Variants in NTM observed in about 807,000 individuals in gnomAD.
NTM encodes the protein IgLON family member 2.
Under a neutral mutation model 42.1 loss-of-function variants are expected in NTM, and 13 were observed. That is an observed-to-expected ratio of 0.31 (90% CI 0.20 to 0.49). The LOEUF (loss-of-function observed/expected upper bound fraction) is 0.49, where lower values mean the gene tolerates loss of function less well. NTM is among the 20% of genes least tolerant of loss of function. The pLI is 0.99. For missense variants in NTM, 373 were observed against 452.8 expected (o/e 0.82, Z 1.60); for synonymous variants, 187 against 179.2 (o/e 1.04, Z -0.35).
intron 4 of NTM, among the ~76,000 whole-genome samples, chr11:132,252,178 TC>T (rs2092017307): frequency 8.8e-6 from 1 of 114,252 alleles, no homozygotes; most frequent in Non-Finnish European, 1.9e-5. Context: ...CTTTTCCTCA[TC>T]TTTATCTTAG....
chr11:131,992,361 A>C lies in NTM; in HGVS notation c.167+80713A>C, dbSNP rs927093054. ...ATGTTACTGGTAAGGCTTCTGGTCA[A>C]CAATTGGCTGTAATAATTTAGTTTT... On this transcript the variant is annotated intron_variant, in intron 2 of 8. Coordinates refer to ENST00000683400, the MANE Select transcript of NTM (RefSeq NM_001352005.2). 9.9e-5 allele frequency among the ~76,000 whole-genome samples: 15 copies of C among 152,258 alleles called. No homozygotes were observed. The East Asian group carries it at 2.9e-3, about 29-fold the overall frequency.
intron 1 of NTM, among the ~76,000 whole-genome samples, chr11:131,622,856 A>G (rs1052219750): frequency 5.3e-5 from 8 of 152,178 alleles, no homozygotes; most frequent in African/African-American, 1.9e-4. Flanking sequence ...CTTGGGTGGC[A>G]TTCATCTGCC....
intron 1 of NTM, among the ~76,000 whole-genome samples, chr11:131,478,949 C>T (rs1046371951): frequency 3.3e-5 from 5 of 152,206 alleles, no homozygotes; most frequent in Admixed American, 6.5e-5. Context: ...GTGGGTTCCA[C>T]GCAGCTCCAG....
chr11:131,681,509 GTTTC>G (rs2072864009), intron 1 of NTM, among the ~76,000 whole-genome samples: 1 of 13,404 alleles, frequency 7.5e-5, no homozygotes, highest in African/African-American at 2.4e-4. Context: ...GTGAGCATGT[GTTTC>G]TGTGTCTGTG....
At position 131,387,885 on chromosome 11, in the gene NTM, C is replaced by T. The variant is rs543758063; in HGVS notation, c.82+16997C>T. 3.3e-5 allele frequency among the ~76,000 whole-genome samples: 5 copies of T among 152,238 alleles called. No individual in the cohort carries two copies. In the East Asian group the frequency reaches 5.8e-4, roughly 18 times the overall value. On this transcript the variant is annotated intron_variant, in intron 1 of 8. Transcript: ENST00000683400. ...TTATAATTAGCCTTCCTGGGGACCC[C>T]GGTTTCTAATCTGCCCTGGGAAAAG...
intron 2 of NTM, among the ~76,000 whole-genome samples, chr11:132,045,567 TA>T (rs1200466642): frequency 6.6e-6 from 1 of 152,172 alleles, no homozygotes; most frequent in Non-Finnish European, 1.5e-5. Flanking sequence ...AATGGCAATT[TA>T]ATATTCTAGT....
At chr11:132,097,832 G>A (rs1255674438) in intron 2 of NTM, among the ~76,000 whole-genome samples, 1 of 152,214 alleles carries the variant, frequency 6.6e-6, no homozygotes, top group African/African-American at 2.4e-5. Flanking sequence ...AGGGAAAAGG[G>A]TTCCGGCATT....
At chr11:131,686,565 CGGAGGCAGAAGAGGA>C (rs1555084361) in intron 1 of NTM, among the ~76,000 whole-genome samples, 1 of 152,032 alleles carries the variant, frequency 6.6e-6, no homozygotes, top group Non-Finnish European at 1.5e-5. Flanking sequence ...TCAAGGGTGG[CGGAGGCAGAAGAGGA>C]GGAGGCAGGA....
chr11:131,768,795 G>A (rs1004590430), intron 1 of NTM, among the ~76,000 whole-genome samples: 1 of 152,212 alleles, frequency 6.6e-6, no homozygotes, highest in Non-Finnish European at 1.5e-5. Context: ...TATAGCAAAA[G>A]TGGAAGCATT....
At chr11:131,823,527 C>A (rs1366903839) in intron 1 of NTM, among the ~76,000 whole-genome samples, 1 of 152,100 alleles carries the variant, frequency 6.6e-6, no homozygotes, top group Non-Finnish European at 1.5e-5. Flanking sequence ...TTAATAAGTT[C>A]TATATCTGGC....
rs554142380 is a variant in NTM, at chr11:132,119,839, G to A, written c.168-26443G>A. On this transcript the variant is annotated intron_variant, in intron 2 of 8. Coordinates refer to ENST00000683400, the MANE Select transcript of NTM (RefSeq NM_001352005.2). ...GCTGGGTTAGGGTTCACACAGCAGAGCAGTGCCACTGGTCTAGACCGAGTC... is the reference window on the plus strand; with the variant it reads ...GCTGGGTTAGGGTTCACACAGCAGAACAGTGCCACTGGTCTAGACCGAGTC... Among the ~76,000 whole-genome samples, 9 of 152,382 alleles carry A rather than the reference G, an allele frequency of 5.9e-5. No individual in the cohort carries two copies. In the South Asian group the frequency reaches 1.7e-3, roughly 28 times the overall value.
At chr11:131,964,027 A>G (rs1278439457) in intron 2 of NTM, among the ~76,000 whole-genome samples, 1 of 152,232 alleles carries the variant, frequency 6.6e-6, no homozygotes, top group Non-Finnish European at 1.5e-5. Flanking sequence ...GAATTACCAC[A>G]CAGGATTATA....
At chr11:132,330,077 G>A in intron 7 of NTM, 76 bp from the exon 8 acceptor site, 1 of 1,541,184 alleles carries the variant, frequency 6.5e-7, no homozygotes, top group Non-Finnish European at 8.8e-7. Flanking sequence ...GCTTCTTCCT[G>A]AAATCATCTG....
chr11:132,006,237 G>T (rs760674581), intron 2 of NTM, among the ~76,000 whole-genome samples: 1 of 152,136 alleles, frequency 6.6e-6, no homozygotes, highest in South Asian at 2.1e-4. Flanking sequence ...CCTAGCACCC[G>T]CATCTCTCAA....
chr11:131,863,393 G>T (rs1360663201), intron 1 of NTM, among the ~76,000 whole-genome samples: 1 of 152,056 alleles, frequency 6.6e-6, no homozygotes, highest in Non-Finnish European at 1.5e-5. Flanking sequence ...AGATGTTCTT[G>T]GGGTCCTCCT....
chr11:131,431,861 G>T (rs1948679275), intron 1 of NTM, among the ~76,000 whole-genome samples: 2 of 151,968 alleles, frequency 1.3e-5, no homozygotes, highest in South Asian at 2.1e-4. Context: ...TCACAGTCCA[G>T]CAAAGAATCC....
chr11:132,088,576 C>T (rs1383353163), intron 2 of NTM, among the ~76,000 whole-genome samples: 7 of 152,176 alleles, frequency 4.6e-5, no homozygotes, highest in East Asian at 1.9e-4. Flanking sequence ...CCACCACATA[C>T]GAGTGGAAGA....
chr11:131,789,666 GA>G (rs202007443), intron 1 of NTM, among the ~76,000 whole-genome samples: 1 of 119,786 alleles, frequency 8.3e-6, no homozygotes, highest in Non-Finnish European at 1.9e-5. Context: ...AGAAGAAGAA[GA>G]AAGCATGGGC....
At chr11:131,750,194 A>G (rs556067244) in intron 1 of NTM, among the ~76,000 whole-genome samples, 51 of 152,318 alleles carry the variant, frequency 3.3e-4, no homozygotes, top group African/African-American at 1.2e-3. Flanking sequence ...TATTTTAGAG[A>G]GAGAACTCTT....
Sources: gnomAD v4.1 joint callset for allele counts (sites outside exome capture counted in the v4.1 genomes callset) on GRCh38, gnomAD v4.1.1 for gene constraint, MANE v1.5 for transcripts, NCBI Gene and HGNC (gene_info 2026-07-23, HGNC 2026-07-21) for gene names.